The following EML6 variants were observed in gnomAD, a reference collection of about 807,000 sequenced individuals.
The protein encoded by EML6 is EMAP like 6, also known as echinoderm microtubule-associated protein-like 6.
EML6 carries 154 observed loss-of-function variants against 240.1 expected under a neutral mutation model. The observed-to-expected ratio is 0.64, with a 90% CI of 0.56 to 0.73. The LOEUF (loss-of-function observed/expected upper bound fraction) is 0.73, where lower values mean the gene tolerates loss of function less well. EML6 is among the 30% of genes least tolerant of loss of function. The pLI, the probability that EML6 is intolerant of heterozygous loss-of-function variation, is 0.00. For missense variants in EML6, 2,964 were observed against 2,474.6 expected, an observed-to-expected ratio of 1.20 and a Z score of -4.20; for synonymous variants, 1,148 against 899.0, an observed-to-expected ratio of 1.28 and a Z score of -4.95.
At chr2:54,936,643 T>G (rs1573178599) in intron 28 of EML6, among the ~76,000 whole-genome samples, 1 of 152,232 alleles carries the variant, frequency 6.6e-6, no homozygotes, top group Non-Finnish European at 1.5e-5. Flanking sequence ...GTCAGCCATC[T>G]GTATTTTTTT....
intron 2 of EML6, among the ~76,000 whole-genome samples, chr2:54,796,438 G>A (rs1669777079): frequency 6.6e-6 from 1 of 151,866 alleles, no homozygotes. Context: ...TATATAACCT[G>A]TGCATTTTTT....
chr2:54,777,876 C>T (rs1328121691), intron 2 of EML6, among the ~76,000 whole-genome samples: 3 of 152,068 alleles, frequency 2.0e-5, no homozygotes, highest in East Asian at 1.9e-4. Context: ...TTTCTTCTGA[C>T]ATCAAAATAG....
chr2:54,860,442 G>C (rs935663553), intron 12 of EML6, among the ~76,000 whole-genome samples: 1 of 152,090 alleles, frequency 6.6e-6, no homozygotes, highest in East Asian at 1.9e-4. Flanking sequence ...ATTTCCGGAG[G>C]CTACTTGGCG....
chr2:54,898,410 A>T (rs1343132134), intron 21 of EML6, among the ~76,000 whole-genome samples: 4 of 152,266 alleles, frequency 2.6e-5, no homozygotes, highest in Middle Eastern at 3.4e-3. Flanking sequence ...GTCTGGGAAG[A>T]TGTGAGGTTG....
chr2:54,866,884 G>A lies in EML6; in HGVS notation c.2051G>A (p.Gly684Asp), dbSNP rs1386860374. 4 of 1,541,444 alleles carry A rather than the reference G, an allele frequency of 2.6e-6. No homozygotes were observed. The highest frequency in any genetic ancestry group is 3.5e-6 in the Non-Finnish European group (4 of 1,138,058). Residue 684 changes from glycine to aspartate, a missense_variant and splice_region_variant, in exon 14 of 42, where the codon GGT (glycine) becomes GAT (aspartate). Transcript: ENST00000356458. ...EDSLKLQFIH[G>D]YRGYDCRNNL... ...AGCTTGAAACTCCAGTTCATACACGGGTGGGTGGCCTGTCATGGGCGCCCG... is the reference window on the plus strand; with the variant it reads ...AGCTTGAAACTCCAGTTCATACACGAGTGGGTGGCCTGTCATGGGCGCCCG...
At chr2:54,951,181 G>A (rs545101063) in intron 30 of EML6, among the ~76,000 whole-genome samples, 1 of 152,238 alleles carries the variant, frequency 6.6e-6, no homozygotes, top group East Asian at 1.9e-4. Flanking sequence ...GATTTTTCAA[G>A]TTGTATTTTG....
chr2:54,774,808 T>C lies in EML6; in HGVS notation c.198-38424T>C, dbSNP rs1272392817. On this transcript the variant is annotated intron_variant, in intron 2 of 41. Coordinates refer to ENST00000356458, the MANE Select transcript of EML6 (RefSeq NM_001039753.4). The surrounding 1 kb of genome is among the most constrained non-coding windows in gnomAD (Gnocchi z 4.1). ...ATCTTTATCTTCTACTCTGTGTGGA[T>C]TGGTCTTTAGTCAATGCTTCTCCTA... Among the ~76,000 whole-genome samples, 1 of 152,212 alleles carries C rather than the reference T, an allele frequency of 6.6e-6. No individual in the cohort carries two copies. The highest frequency in any genetic ancestry group is 2.4e-5 in the African/African-American group (1 of 41,452).
chr2:54,889,184 T>A (rs909202278), intron 17 of EML6, among the ~76,000 whole-genome samples: 1 of 152,204 alleles, frequency 6.6e-6, no homozygotes, highest in African/African-American at 2.4e-5. Flanking sequence ...CTATACTGTT[T>A]TAATTATGGA....
intron 16 of EML6, 72 bp downstream of exon 16, chr2:54,871,677 G>A (rs1010320300): frequency 3.5e-5 from 38 of 1,078,816 alleles, no homozygotes; most frequent in Non-Finnish European, 4.7e-5. Context: ...TATGCCCCGC[G>A]CATGCGCGCA....
At chr2:54,743,320 G>T (rs903676124) in intron 2 of EML6, among the ~76,000 whole-genome samples, 1 of 152,222 alleles carries the variant, frequency 6.6e-6, no homozygotes, top group East Asian at 1.9e-4. Flanking sequence ...GAAAACCCTC[G>T]CAGACGTGGG....
At chr2:54,840,604 C>T (rs1454999865) in intron 7 of EML6, among the ~76,000 whole-genome samples, 2 of 152,302 alleles carry the variant, frequency 1.3e-5, no homozygotes, top group African/African-American at 4.8e-5. Flanking sequence ...TATATCCCAT[C>T]TTTGAATGTT....
At chr2:54,892,365 C>T (rs759701568) in intron 18 of EML6, 89 bp from the exon 19 acceptor site, 38 of 771,778 alleles carry the variant, frequency 4.9e-5, no homozygotes, top group Middle Eastern at 2.3e-4. Flanking sequence ...TAATGAGAGA[C>T]ACCAGGTTTC....
chr2:54,887,433 C>T lies in EML6; in HGVS notation c.2439-3621C>T, dbSNP rs188907495. Reference sequence around the variant, plus strand: ...AATGTTAGGGTTATTTGAGTTTTGTCTATAACTTGCTGATTTTTTTCCCAG... The same window carrying T: ...AATGTTAGGGTTATTTGAGTTTTGTTTATAACTTGCTGATTTTTTTCCCAG... On this transcript the variant is annotated intron_variant, in intron 17 of 41. Coordinates refer to ENST00000356458, the MANE Select transcript of EML6 (RefSeq NM_001039753.4). Among the ~76,000 whole-genome samples the T allele has an allele frequency of 3.3e-3, 496 of 152,268 alleles. 1 individual carries two copies. Among genetic ancestry groups the T allele is most frequent in the Non-Finnish European group, 5.5e-3 (371 of 68,022 alleles).
At chr2:54,908,139 C>A (rs544344763) in intron 24 of EML6, among the ~76,000 whole-genome samples, 68 of 151,898 alleles carry the variant, frequency 4.5e-4, no homozygotes, top group Middle Eastern at 3.4e-3. Flanking sequence ...AGAAGAATAG[C>A]TTTTTGGTTT....
chr2:54,930,988 C>T (rs557062298), intron 28 of EML6, among the ~76,000 whole-genome samples: 119 of 127,022 alleles, frequency 9.4e-4, no homozygotes, highest in African/African-American at 2.9e-3. Flanking sequence ...GACGGAGTCT[C>T]GCTCTGTCGC....
At chr2:54,880,926 C>T (rs189713643) in intron 17 of EML6, 3 of 151,806 alleles carry the variant, frequency 2.0e-5, no homozygotes, top group Non-Finnish European at 2.9e-5. Flanking sequence ...GTTTTATGCC[C>T]GAAACATTAA....
At chr2:54,846,720 G>A (rs1379854176) in intron 8 of EML6, among the ~76,000 whole-genome samples, 1 of 152,058 alleles carries the variant, frequency 6.6e-6, no homozygotes, top group Non-Finnish European at 1.5e-5. Flanking sequence ...CTGGGCTCAA[G>A]CAATCTTCCT....
intron 2 of EML6, among the ~76,000 whole-genome samples, chr2:54,760,351 A>G (rs925846569): frequency 6.6e-6 from 1 of 152,208 alleles, no homozygotes; most frequent in Non-Finnish European, 1.5e-5. Flanking sequence ...ACCCAAGAAC[A>G]TAACAGAGTA....
chr2:54,950,585 G>A (rs1675924367), intron 29 of EML6, 65 bp from the exon 30 acceptor site: 3 of 1,530,308 alleles, frequency 2.0e-6, no homozygotes, highest in Admixed American at 4.0e-5. Flanking sequence ...ACGCAATGTG[G>A]GTGTGTTCCT....
Sources: gnomAD v4.1 joint callset for allele counts (sites outside exome capture counted in the v4.1 genomes callset) on GRCh38, gnomAD v4.1.1 for gene constraint, Gnocchi (gnomAD v3.1) non-coding constraint, MANE v1.5 for transcripts, NCBI Gene and HGNC (gene_info 2026-07-23, HGNC 2026-07-21) for gene names.